The following SATL1 variants were observed in gnomAD, a reference collection of about 807,000 sequenced individuals.
SATL1 encodes spermidine/spermine N1-acetyl transferase like 1.
SATL1 carries 47 observed loss-of-function variants against 51.8 expected under a neutral mutation model. That is an observed-to-expected ratio of 0.91 (90% CI 0.72 to 1.16). The LOEUF is 1.16. Among genes scored for constraint, SATL1 ranks in the 50% most tolerant of loss-of-function variants. The pLI is 0.00. For missense variants in SATL1, 520 were observed against 526.4 expected (o/e 0.99, Z 0.12); for synonymous variants, 176 against 182.4 (o/e 0.97, Z 0.28).
At chrX:85,215,150 G>A (rs1928015053) in intron 2 of SATL1, among the ~76,000 whole-genome samples, 1 of 111,680 alleles carries the variant, frequency 9.0e-6, no homozygotes, top group Non-Finnish European at 1.9e-5. Flanking sequence ...TGCGTCCTCT[G>A]GAGCAGTAGC....
intron 2 of SATL1, among the ~76,000 whole-genome samples, chrX:85,114,126 T>A (rs757218031): frequency 1.8e-5 from 2 of 112,260 alleles, no homozygotes; most frequent in South Asian, 7.4e-4. Context: ...TTATTGCACT[T>A]ATAAAAATAA....
intron 2 of SATL1, chrX:85,142,738 A>G (rs1926140399): frequency 9.0e-6 from 1 of 111,546 alleles, no homozygotes; most frequent in South Asian, 3.8e-4. Context: ...TGATTAGGTG[A>G]ATTGGCGTCC....
intron 1 of SATL1, among the ~76,000 whole-genome samples, chrX:85,225,372 G>A (rs1928258159): frequency 8.9e-6 from 1 of 112,400 alleles, no homozygotes; most frequent in South Asian, 3.6e-4. Context: ...GGGAAACCGG[G>A]TAAATGGTAC....
chrX:85,161,951 G>A (rs1013983204), intron 2 of SATL1, among the ~76,000 whole-genome samples: 4 of 111,442 alleles, frequency 3.6e-5, no homozygotes, highest in African/African-American at 1.3e-4. Context: ...AACTGATATC[G>A]TACCAACCAC....
chrX:85,209,039 T>A (rs1020663513), intron 2 of SATL1: 1 of 112,312 alleles, frequency 8.9e-6, no homozygotes, highest in Non-Finnish European at 1.9e-5. Context: ...AGGTCTAACA[T>A]TTAATCCATC....
At chrX:85,096,629 G>T (rs1305091782) in intron 4 of SATL1, among the ~76,000 whole-genome samples, 2 of 111,031 alleles carry the variant, frequency 1.8e-5, no homozygotes, top group Non-Finnish European at 3.8e-5. Flanking sequence ...CAAAGACACA[G>T]AATCTTACAC....
intron 1 of SATL1, among the ~76,000 whole-genome samples, chrX:85,231,868 G>A (rs1338084918): frequency 9.0e-6 from 1 of 110,540 alleles, no homozygotes. Flanking sequence ...CATAAGGACT[G>A]CAATTCCTAT....
At chrX:85,171,240 G>C (rs984482129) in intron 2 of SATL1, among the ~76,000 whole-genome samples, 2 of 111,288 alleles carry the variant, frequency 1.8e-5, no homozygotes, top group Admixed American at 9.6e-5. Context: ...TAGTGATCTA[G>C]TTAGAACTAA....
intron 2 of SATL1, among the ~76,000 whole-genome samples, chrX:85,119,988 G>A (rs1925469593): frequency 8.9e-6 from 1 of 112,192 alleles, no homozygotes; most frequent in Non-Finnish European, 1.9e-5. Context: ...TATTTATGAA[G>A]TAACTTGTTC....
intron 2 of SATL1, among the ~76,000 whole-genome samples, chrX:85,196,369 T>C (rs1421070634): frequency 2.7e-5 from 3 of 111,663 alleles, no homozygotes; most frequent in Non-Finnish European, 1.9e-5. Flanking sequence ...GACTTAGTAT[T>C]GTTAAGATGA....
intron 2 of SATL1, among the ~76,000 whole-genome samples, chrX:85,205,779 C>A (rs1190289159): frequency 9.0e-6 from 1 of 111,287 alleles, no homozygotes; most frequent in Non-Finnish European, 1.9e-5. Context: ...GGTAATAATT[C>A]TAAATGTTGT....
chrX:85,221,782 A>G (rs1182589526), intron 2 of SATL1, among the ~76,000 whole-genome samples: 1 of 112,369 alleles, frequency 8.9e-6, no homozygotes, highest in Non-Finnish European at 1.9e-5. Flanking sequence ...ACAAGCTTCC[A>G]GTTGTTGAAA....
Position 85,181,274 on chromosome X carries a change from A to G in SATL1, c.-313+42931T>C, listed in dbSNP as rs370352733. Among the ~76,000 whole-genome samples the G allele has an allele frequency of 1.3e-4, 14 of 108,710 alleles. No individual in the cohort carries two copies. In the East Asian group the frequency reaches 3.2e-3, roughly 25 times the overall value. The allele number at this position is 108,710 out of a possible 115,157, so 94.4% of individuals were successfully genotyped here. A position where few individuals can be genotyped will look rare whatever the true frequency, so the allele number is the denominator to read the frequency against. On this transcript the variant is annotated intron_variant, in intron 2 of 7. Coordinates refer to ENST00000644105, the MANE Select transcript of SATL1 (RefSeq NM_001367857.2). ...GAAAAATTCATCTAAGTGAATGCCC[A>G]TGGAAATACTGCTTTCCTCTCTTTC...
At chrX:85,102,521 C>T (rs1924924308) in intron 4 of SATL1, among the ~76,000 whole-genome samples, 1 of 111,249 alleles carries the variant, frequency 9.0e-6, no homozygotes, top group African/African-American at 3.3e-5. Flanking sequence ...AATATCTCAC[C>T]GGCCTCTATA....
At chrX:85,206,370 G>T (rs1035598076) in intron 2 of SATL1, among the ~76,000 whole-genome samples, 7 of 111,596 alleles carry the variant, frequency 6.3e-5, no homozygotes, top group African/African-American at 2.3e-4. Flanking sequence ...AAAGGAATTA[G>T]GGTAAATCAG....
intron 1 of SATL1, among the ~76,000 whole-genome samples, chrX:85,240,317 T>C (rs899365373): frequency 8.9e-6 from 1 of 111,897 alleles, no homozygotes; most frequent in African/African-American, 3.2e-5. Flanking sequence ...CCAAATGTTG[T>C]CAATGATAAA....
At chrX:85,113,575 C>T (rs375692220) in intron 2 of SATL1, among the ~76,000 whole-genome samples, 2 of 111,653 alleles carry the variant, frequency 1.8e-5, no homozygotes, top group African/African-American at 3.3e-5. Flanking sequence ...CCTAATAACA[C>T]GTATACTATA....
intron 2 of SATL1, among the ~76,000 whole-genome samples, chrX:85,142,313 G>A (rs1041253771): frequency 3.8e-4 from 39 of 103,978 alleles, no homozygotes; most frequent in Admixed American, 2.4e-3. Flanking sequence ...GGAGAATGGC[G>A]TGAACCCGGG....
intron 2 of SATL1, among the ~76,000 whole-genome samples, chrX:85,150,514 A>C (rs1452258545): frequency 9.1e-6 from 1 of 109,751 alleles, no homozygotes; most frequent in Non-Finnish European, 1.9e-5. Context: ...CACAACCAAA[A>C]AAGAGAATTT....
Sources: gnomAD v4.1 joint callset for allele counts (sites outside exome capture counted in the v4.1 genomes callset) on GRCh38, gnomAD v4.1.1 for gene constraint, MANE v1.5 for transcripts, NCBI Gene and HGNC (gene_info 2026-07-23, HGNC 2026-07-21) for gene names.